POU2F1: variants seen among roughly 807,000 people sequenced by gnomAD.
POU2F1 encodes the protein POU domain, class 2, transcription factor 1.
POU2F1 carries 16 observed loss-of-function variants against 84.9 expected under a neutral mutation model. That is an observed-to-expected ratio of 0.19 (90% CI 0.13 to 0.29). The LOEUF (loss-of-function observed/expected upper bound fraction) is 0.29. Ranked by LOEUF, POU2F1 falls within the 10% of genes least tolerant of loss-of-function variation. The probability of loss-of-function intolerance (pLI) is 1.00; values close to 1 mark genes in which losing one functional copy is unlikely to be tolerated. For synonymous variants in POU2F1, 368 were observed against 368.3 expected (o/e 1.00, Z 0.01); for missense variants, 738 against 942.6 (o/e 0.78, Z 2.84).
intron 9 of POU2F1, among the ~76,000 whole-genome samples, chr1:167,392,072 G>A (rs968516961): frequency 5.9e-5 from 9 of 152,084 alleles, no homozygotes; most frequent in Admixed American, 2.0e-4. Context: ...AAGCTAGGCC[G>A]GGCACAGTGG....
intron 2 of POU2F1, among the ~76,000 whole-genome samples, chr1:167,354,262 A>T (rs1445889289): frequency 1.3e-5 from 2 of 152,096 alleles, no homozygotes; most frequent in Non-Finnish European, 2.9e-5. Context: ...ACATATTGTG[A>T]AAAAGTCCCC....
chr1:167,329,123 C>T, intron 1 of POU2F1: 1 of 1,348,646 alleles, frequency 7.4e-7, no homozygotes, highest in Non-Finnish European at 9.6e-7. Flanking sequence ...TTGCTTTTCC[C>T]CTTAATCCAC....
intron 2 of POU2F1, among the ~76,000 whole-genome samples, chr1:167,334,808 TGTTA>T (rs1438846377): frequency 6.6e-6 from 1 of 152,250 alleles, no homozygotes; most frequent in East Asian, 1.9e-4. Context: ...ACTCTTGAGT[TGTTA>T]GTTAACTATT....
intron 1 of POU2F1, among the ~76,000 whole-genome samples, chr1:167,241,912 G>A (rs1282588573): frequency 1.3e-5 from 2 of 152,194 alleles, no homozygotes; most frequent in African/African-American, 4.8e-5. Context: ...TTGACTAAAG[G>A]AAGGATACAT....
intron 1 of POU2F1, among the ~76,000 whole-genome samples, chr1:167,223,717 T>C (rs983821049): frequency 1.3e-5 from 2 of 151,944 alleles, no homozygotes; most frequent in African/African-American, 4.8e-5. Flanking sequence ...AGGCAGGCCC[T>C]GAATGCAGCA....
At chr1:167,332,683 G>A in intron 2 of POU2F1, 148 bp downstream of exon 2, 2 of 589,450 alleles carry the variant, frequency 3.4e-6, no homozygotes, top group Non-Finnish European at 5.8e-6. Flanking sequence ...GGAACTGGGA[G>A]GGATTATGTT....
At chr1:167,261,051 T>A (rs1398374541) in intron 1 of POU2F1, among the ~76,000 whole-genome samples, 4 of 152,130 alleles carry the variant, frequency 2.6e-5, no homozygotes, top group Non-Finnish European at 2.9e-5. Context: ...AAACCACTAT[T>A]TTATAGTATT....
chr1:167,276,660 A>G (rs925258134), intron 1 of POU2F1, among the ~76,000 whole-genome samples: 1 of 152,210 alleles, frequency 6.6e-6, no homozygotes, highest in Admixed American at 6.5e-5. Context: ...AAGTAAAAGC[A>G]ATTAAATTTT....
At chr1:167,280,710 T>C (rs1653071081) in intron 1 of POU2F1, among the ~76,000 whole-genome samples, 1 of 152,230 alleles carries the variant, frequency 6.6e-6, no homozygotes, top group South Asian at 2.1e-4. Context: ...TTTTGCATGG[T>C]CTTTGAATAG....
chr1:167,406,084 C>T (rs952302406), intron 13 of POU2F1, among the ~76,000 whole-genome samples: 1 of 152,084 alleles, frequency 6.6e-6, no homozygotes, highest in Non-Finnish European at 1.5e-5. Context: ...ATTACAAACT[C>T]ATATTCCTCG....
At chr1:167,223,742 C>G (rs990900696) in intron 1 of POU2F1, among the ~76,000 whole-genome samples, 2 of 152,042 alleles carry the variant, frequency 1.3e-5, no homozygotes, top group African/African-American at 4.8e-5. Flanking sequence ...AAAAAAAAAT[C>G]TGTAGCTTTT....
intron 1 of POU2F1, among the ~76,000 whole-genome samples, chr1:167,274,047 C>A (rs919064214): frequency 1.3e-5 from 2 of 152,174 alleles, no homozygotes; most frequent in Non-Finnish European, 2.9e-5. Context: ...CCACCAGTTA[C>A]TAACTAAAAA....
intron 1 of POU2F1, among the ~76,000 whole-genome samples, chr1:167,296,588 A>G (rs1654301899): frequency 1.3e-5 from 2 of 152,242 alleles, no homozygotes; most frequent in African/African-American, 4.8e-5. Flanking sequence ...ACCTAACCAA[A>G]TATATTAGGA....
chr1:167,340,836 A>T (rs1376198225), intron 2 of POU2F1, among the ~76,000 whole-genome samples: 4 of 152,230 alleles, frequency 2.6e-5, no homozygotes, highest in Non-Finnish European at 4.4e-5. Flanking sequence ...TAGAGAAAAC[A>T]TATATGAAAA....
In POU2F1 at chr1:167,383,074, G is replaced by A. The variant is rs1036268350; in HGVS notation, c.719-783G>A. ...TCCCTTTTGTTTGGTGTGCTTTGTCGAATACTTTCTACCATTGCTCTTATC... is the reference window on the plus strand; with the variant it reads ...TCCCTTTTGTTTGGTGTGCTTTGTCAAATACTTTCTACCATTGCTCTTATC... On this transcript the variant is annotated intron_variant, in intron 7 of 15. Transcript: ENST00000367866. 7.2e-5 allele frequency among the ~76,000 whole-genome samples: 11 copies of A among 152,168 alleles called. No individual in the cohort carries two copies. The South Asian group carries it at 1.0e-3, about 14-fold the overall frequency.
At chr1:167,252,041 T>C (rs1650771807) in intron 1 of POU2F1, among the ~76,000 whole-genome samples, 1 of 151,444 alleles carries the variant, frequency 6.6e-6, no homozygotes. Context: ...TATATAGTTT[T>C]AGTAGAGACC....
intron 1 of POU2F1, among the ~76,000 whole-genome samples, chr1:167,320,636 C>G (rs182228185): frequency 2.0e-5 from 3 of 148,526 alleles, no homozygotes; most frequent in Admixed American, 2.0e-4. Context: ...TCCAAATAAG[C>G]AGTCAAAGTC....
In POU2F1 at chr1:167,371,937, G is replaced by A. The variant is rs371323065; in HGVS notation, c.303G>A (p.Ser101=). Residue 101 remains serine, a synonymous_variant, in exon 5 of 16, where the codon TCG becomes TCA. Coordinates refer to ENST00000367866, the MANE Select transcript of POU2F1 (RefSeq NM_002697.4). ...CTCAGTCTAAATCTAATGAAGAATC[G>A]GGGGATTCGCAGCAGCCAAGCCAGC... The part of the protein sequence containing the change: ...LNVQSKSNEE[S]GDSQQPSQPS... 36 of 1,613,884 alleles carry A rather than the reference G, an allele frequency of 2.2e-5. No individual in the cohort carries two copies. In the African/African-American group the frequency reaches 2.4e-4, roughly 11 times the overall value.
chr1:167,329,703 C>T (rs549474675), intron 1 of POU2F1, among the ~76,000 whole-genome samples: 3 of 152,046 alleles, frequency 2.0e-5, no homozygotes, highest in South Asian at 4.1e-4. Flanking sequence ...CTAATGAGAA[C>T]GTCTTATACA....
Sources: allele counts gnomAD v4.1 joint callset (sites outside exome capture counted in the v4.1 genomes callset), GRCh38; gene constraint gnomAD v4.1.1; transcripts MANE v1.5; gene names NCBI Gene and HGNC (gene_info 2026-07-23, HGNC 2026-07-21).